The following ATP8B4 variants were observed in gnomAD, a reference collection of about 807,000 sequenced individuals.
ATP8B4 encodes ATPase phospholipid transporting 8B4 (putative), also known as probable phospholipid-transporting ATPase IM.
ATP8B4 carries 133 observed loss-of-function variants against 145.6 expected under a neutral mutation model. The ratio of observed to expected loss-of-function variants is 0.91; its 90% CI spans 0.79 to 1.05. The LOEUF (loss-of-function observed/expected upper bound fraction) is 1.05, where lower values mean the gene tolerates loss of function less well. Among genes scored for constraint, ATP8B4 ranks in the 50% least tolerant of loss-of-function variants. ATP8B4 has a pLI of 0.00. For synonymous variants in ATP8B4, 507 were observed against 492.9 expected, an observed-to-expected ratio of 1.03 and a Z score of -0.38; for missense variants, 1,458 against 1,425.2, an observed-to-expected ratio of 1.02 and a Z score of -0.37.
chr15:49,977,933 T>C, intron 12 of ATP8B4, among the ~76,000 whole-genome samples: 1 of 152,108 alleles, frequency 6.6e-6, no homozygotes, highest in East Asian at 1.9e-4. Flanking sequence ...TTCTCCAAGG[T>C]CACACAGCTA....
chr15:49,961,336 A>T (rs1184537248), intron 14 of ATP8B4, among the ~76,000 whole-genome samples: 1 of 152,200 alleles, frequency 6.6e-6, no homozygotes, highest in East Asian at 1.9e-4. Context: ...AGACACTCTT[A>T]CACTTGTTTG....
intron 3 of ATP8B4, among the ~76,000 whole-genome samples, chr15:50,050,789 T>C (rs1240921907): frequency 6.6e-6 from 1 of 152,178 alleles, no homozygotes; most frequent in African/African-American, 2.4e-5. Context: ...TGTAAAGCCA[T>C]GTAACTATAT....
chr15:49,862,088 G>A (rs1390368525), intron 27 of ATP8B4, among the ~76,000 whole-genome samples, 157 bp downstream of exon 27: 1 of 152,190 alleles, frequency 6.6e-6, no homozygotes, highest in African/African-American at 2.4e-5. Context: ...TCAAGATGTG[G>A]GAAGTCCCAT....
intron 20 of ATP8B4, among the ~76,000 whole-genome samples, chr15:49,912,919 G>A (rs1048428058): frequency 1.3e-5 from 2 of 152,012 alleles, no homozygotes; most frequent in Non-Finnish European, 2.9e-5. Flanking sequence ...TTTGAGCACA[G>A]GAATATGAAA....
At chr15:49,998,837 T>C (rs2047644728) in intron 8 of ATP8B4, among the ~76,000 whole-genome samples, 1 of 152,240 alleles carries the variant, frequency 6.6e-6, no homozygotes, top group Non-Finnish European at 1.5e-5. Flanking sequence ...TGAATGGTAA[T>C]GCTTAGGTTT....
At chr15:49,974,356 C>G (rs1185356911) in intron 12 of ATP8B4, among the ~76,000 whole-genome samples, 2 of 151,270 alleles carry the variant, frequency 1.3e-5, no homozygotes, top group Non-Finnish European at 2.9e-5. Context: ...TCCCAAAGTC[C>G]TGGGATTATA....
chr15:49,878,274 C>T (rs983424007), intron 24 of ATP8B4, among the ~76,000 whole-genome samples: 16 of 152,196 alleles, frequency 1.1e-4, no homozygotes, highest in African/African-American at 3.6e-4. Context: ...TAATCCTTTA[C>T]ATCTAAGGTC....
At chr15:50,082,239 T>G (rs2054601064) in intron 2 of ATP8B4, among the ~76,000 whole-genome samples, 1 of 152,204 alleles carries the variant, frequency 6.6e-6, no homozygotes, top group Admixed American at 6.5e-5. Flanking sequence ...CAAGATTTCC[T>G]GAGTTGACTC....
intron 6 of ATP8B4, among the ~76,000 whole-genome samples, chr15:50,031,087 C>G (rs2050399260): frequency 6.6e-6 from 1 of 152,134 alleles, no homozygotes; most frequent in South Asian, 2.1e-4. Flanking sequence ...TTTTGAAGCA[C>G]TATTACTGTA....
At chr15:50,027,993 A>G (rs929798032) in intron 6 of ATP8B4, among the ~76,000 whole-genome samples, 3 of 152,122 alleles carry the variant, frequency 2.0e-5, no homozygotes, top group Non-Finnish European at 4.4e-5. Context: ...AATACCATCA[A>G]CTTTCTTCAC....
At chr15:50,006,661 T>C (rs542364289) in intron 7 of ATP8B4, among the ~76,000 whole-genome samples, 71 of 152,270 alleles carry the variant, frequency 4.7e-4, no homozygotes, top group African/African-American at 1.7e-3. Flanking sequence ...AAGAATAAAA[T>C]TGTCAATTCC....
chr15:49,938,586 T>C (rs993827458), intron 14 of ATP8B4, among the ~76,000 whole-genome samples: 1 of 152,098 alleles, frequency 6.6e-6, no homozygotes, highest in Admixed American at 6.6e-5. Context: ...CAGTCAATAT[T>C]GGAACACCCA....
At chr15:50,145,303 C>T (rs983514220) in intron 1 of ATP8B4, among the ~76,000 whole-genome samples, 3 of 152,140 alleles carry the variant, frequency 2.0e-5, no homozygotes, top group Non-Finnish European at 4.4e-5. Context: ...TTTATAGTAT[C>T]TTGTCTGATT....
chr15:50,010,807 A>G, intron 7 of ATP8B4, 38 bp downstream of exon 7: 1 of 1,356,468 alleles, frequency 7.4e-7, no homozygotes, highest in Non-Finnish European at 1.0e-6. Context: ...TGCTACTTTA[A>G]TCTGAGATAA....
At chr15:49,970,670 CA>C (rs1567108668) in intron 13 of ATP8B4, among the ~76,000 whole-genome samples, 1 of 152,102 alleles carries the variant, frequency 6.6e-6, no homozygotes, top group Non-Finnish European at 1.5e-5. Context: ...TAGGAAGAAT[CA>C]ATATTGTGAA....
In ATP8B4 at chr15:50,038,760, T is replaced by C. The variant is rs1385795175; in HGVS notation, c.362+8A>G. 2 of 1,607,112 alleles carry C rather than the reference T, an allele frequency of 1.2e-6. No individual in the cohort carries two copies. Among genetic ancestry groups the C allele is most frequent in the Admixed American group, 1.7e-5 (1 of 59,906 alleles). On this transcript the variant is annotated splice_region_variant and intron_variant, in intron 6 of 27. Transcript: ENST00000284509. ...TTTTCAGAATAACCCACAGAATGTA[T>C]TTCTTACTTGCTGTTGATGAGCACT...
chr15:50,095,116 A>G (rs527713003), intron 2 of ATP8B4, among the ~76,000 whole-genome samples: 29 of 152,260 alleles, frequency 1.9e-4, no homozygotes, highest in African/African-American at 6.3e-4. Flanking sequence ...GAACAAAGTG[A>G]CACACACCAT....
At chr15:49,950,610 A>AC (rs1567059481) in intron 14 of ATP8B4, among the ~76,000 whole-genome samples, 2 of 78,616 alleles carry the variant, frequency 2.5e-5, no homozygotes, top group Non-Finnish European at 6.1e-5. Context: ...AAACAAACAA[A>AC]CAAACAAACA....
intron 14 of ATP8B4, among the ~76,000 whole-genome samples, chr15:49,948,432 G>A (rs925936549): frequency 6.6e-6 from 1 of 152,170 alleles, no homozygotes; most frequent in Admixed American, 6.5e-5. Flanking sequence ...CTGGGTGACA[G>A]AGTGAGACTC....
Sources: gnomAD v4.1 joint callset for allele counts (sites outside exome capture counted in the v4.1 genomes callset) on GRCh38, gnomAD v4.1.1 for gene constraint, MANE v1.5 for transcripts, NCBI Gene and HGNC (gene_info 2026-07-23, HGNC 2026-07-21) for gene names.